Variants in ACSM2B observed in about 807,000 individuals in gnomAD.
The protein encoded by ACSM2B is acyl-coenzyme A synthetase ACSM2B, mitochondrial.
In ACSM2B, 58 loss-of-function variants were observed where a neutral mutation model predicts 78.6. The observed-to-expected ratio is 0.74, with a 90% CI of 0.60 to 0.92. The LOEUF (loss-of-function observed/expected upper bound fraction) is 0.92. Ranked by LOEUF, ACSM2B falls within the 40% of genes least tolerant of loss-of-function variation. The pLI, the probability that ACSM2B is intolerant of heterozygous loss-of-function variation, is 0.00. For synonymous variants in ACSM2B, 257 were observed against 256.8 expected (o/e 1.00, Z -0.01); for missense variants, 688 against 711.2 (o/e 0.97, Z 0.37).
At chr16:20,567,217 T>C (rs1318613244) in intron 1 of ACSM2B, among the ~76,000 whole-genome samples, 5 of 130,620 alleles carry the variant, frequency 3.8e-5, no homozygotes, top group African/African-American at 1.4e-4. Flanking sequence ...TATATTATAC[T>C]ATATACTATA....
Position 20,543,163 on chromosome 16 carries a change from G to C in ACSM2B, c.1381C>G (p.Arg461Gly). The C allele has an allele frequency of 6.2e-7, 1 of 1,613,810 alleles. No individual in the cohort carries two copies. Among genetic ancestry groups the C allele is most frequent in the Non-Finnish European group, 8.5e-7 (1 of 1,179,866 alleles). Residue 461 changes from arginine (R) to glycine (G), a missense_variant, in exon 11 of 14, where the codon CGG (arginine) becomes GGG (glycine). Transcript: ENST00000329697. Reference protein sequence around the residue: ...DEDGYFQFMGRADDIINSSGY... With the variant: ...DEDGYFQFMGGADDIINSSGY... ...CTGGAGTTAATGATATCATCTGCCCGTCCCATAAACTGGAAATACCCATCT... is the reference window on the plus strand; with the variant it reads ...CTGGAGTTAATGATATCATCTGCCCCTCCCATAAACTGGAAATACCCATCT...
At position 20,559,429 on chromosome 16, in the gene ACSM2B, T is replaced by C. The variant is rs2015576984; in HGVS notation, c.196A>G (p.Ser66Gly). 4 of 1,612,898 alleles carry C rather than the reference T, an allele frequency of 2.5e-6. No individual in the cohort carries two copies. In the East Asian group the frequency reaches 8.9e-5, roughly 36 times the overall value. The change falls in exon 3 of 14, where the codon AGC becomes GGC. Residue 66 changes from serine (S) to glycine (G), a missense_variant. Ser to Gly is a moderately conservative substitution (Grantham distance 56). Transcript: ENST00000329697. ...CCATTCACCCACCACAGGGCTGGGC[T>C]TGGGAGTCGCTTGCCAGCCTGAGGA... ...DMEKAGKRLPSPALWWVNGKG... is the reference protein window; with the variant it reads ...DMEKAGKRLPGPALWWVNGKG...
chr16:20,542,795 G>T, intron 12 of ACSM2B, 119 bp downstream of exon 12: 1 of 1,319,218 alleles, frequency 7.6e-7, no homozygotes, highest in Non-Finnish European at 1.0e-6. Flanking sequence ...GCTAGTAAGT[G>T]GCAGGGCCAA....
chr16:20,572,730 T>C (rs1323219739), intron 1 of ACSM2B, among the ~76,000 whole-genome samples: 1 of 151,882 alleles, frequency 6.6e-6, no homozygotes, highest in East Asian at 1.9e-4. Flanking sequence ...GGTTTGATCA[T>C]TTAACACAAT....
At chr16:20,567,814 G>T (rs1010268981) in intron 1 of ACSM2B, among the ~76,000 whole-genome samples, 1 of 138,604 alleles carries the variant, frequency 7.2e-6, no homozygotes, top group African/African-American at 2.6e-5. Context: ...AGTATGGTAT[G>T]TATAGATATA....
At chr16:20,558,284 G>C (rs538922954) in intron 3 of ACSM2B, among the ~76,000 whole-genome samples, 1 of 151,252 alleles carries the variant, frequency 6.6e-6, no homozygotes, top group East Asian at 2.0e-4. Context: ...CTCAACACAA[G>C]AAGACAGCTT....
intron 1 of ACSM2B, among the ~76,000 whole-genome samples, chr16:20,569,767 T>A (rs2152149371): frequency 6.6e-6 from 1 of 152,080 alleles, no homozygotes; most frequent in Non-Finnish European, 1.5e-5. Flanking sequence ...GTTTTGTAGT[T>A]TTCCTTGAAT....
At chr16:20,547,545 A>C (rs1349486751) in intron 8 of ACSM2B, 1 of 980,704 alleles carries the variant, frequency 1.0e-6, no homozygotes, top group Non-Finnish European at 1.2e-6. Context: ...ATAGAATAGC[A>C]TAAATCCACA....
chr16:20,542,882 T>G (rs2015035286), intron 12 of ACSM2B, 32 bp downstream of exon 12: 7 of 1,611,972 alleles, frequency 4.3e-6, no homozygotes, highest in Non-Finnish European at 5.9e-6. Flanking sequence ...TGTTCATATC[T>G]GTTCACCCCC....
chr16:20,553,788 C>G lies in ACSM2B; in HGVS notation c.729G>C (p.Lys243Asn). 7.5e-6 allele frequency: 12 copies of G among 1,610,700 alleles called. No individual in the cohort carries two copies. Among genetic ancestry groups the G allele is most frequent in the Non-Finnish European group, 9.3e-6 (11 of 1,177,650 alleles). Residue 243 changes from lysine (K) to asparagine (N), a missense_variant, in exon 5 of 14, where the codon AAG becomes AAC. Coordinates refer to ENST00000329697, the MANE Select transcript of ACSM2B (RefSeq NM_001105069.2). ...AGAGCTCAGCTTACCCAGCATCCAT[C>G]TTGGCCTTGAGGCCCAGGCTCGAGT... is the stretch of plus-strand genomic sequence containing the variant. ...HSYSSLGLKAKMDAGWTGLQA... is the reference protein window; with the variant it reads ...HSYSSLGLKANMDAGWTGLQA...
intron 3 of ACSM2B, among the ~76,000 whole-genome samples, chr16:20,557,019 C>T (rs1254825043): frequency 2.0e-5 from 3 of 151,950 alleles, no homozygotes; most frequent in African/African-American, 2.4e-5. Context: ...GAATATGCGG[C>T]GGGTGGGAGC....
intron 3 of ACSM2B, among the ~76,000 whole-genome samples, chr16:20,558,539 A>C (rs985046202): frequency 1.3e-4 from 19 of 151,934 alleles, no homozygotes; most frequent in African/African-American, 4.6e-4. Flanking sequence ...AGATAATTAC[A>C]TCTTCACATA....
intron 1 of ACSM2B, among the ~76,000 whole-genome samples, chr16:20,567,273 TATA>T (rs1361964904): frequency 1.5e-4 from 19 of 126,722 alleles, no homozygotes; most frequent in African/African-American, 5.7e-4. Context: ...TAGTATAATA[TATA>T]ATATGTAGCA....
At chr16:20,567,302 A>G (rs1327353609) in intron 1 of ACSM2B, among the ~76,000 whole-genome samples, 2 of 123,930 alleles carry the variant, frequency 1.6e-5, no homozygotes, top group African/African-American at 3.1e-5. Flanking sequence ...TATAATGTAT[A>G]GTACAATATA....
At position 20,560,424 on chromosome 16, in the gene ACSM2B, C is replaced by G. The variant is rs539977579; in HGVS notation, c.178-977G>C. Among the ~76,000 whole-genome samples the G allele has an allele frequency of 1.3e-5, 2 of 152,042 alleles. 1 individual carries two copies. The highest frequency in any genetic ancestry group is 4.2e-4 in the South Asian group (2 of 4,762). On this transcript the variant is annotated intron_variant, in intron 2 of 13. Coordinates refer to ENST00000329697, the MANE Select transcript of ACSM2B (RefSeq NM_001105069.2). Reference sequence around the variant, plus strand: ...TCTGGTTGTTTAAAAGTGAGTGGCACCTTCTCACTCTCTGTTTTGCTCCTC... The same window carrying G: ...TCTGGTTGTTTAAAAGTGAGTGGCAGCTTCTCACTCTCTGTTTTGCTCCTC...
At chr16:20,544,208 G>A (rs573155204) in intron 10 of ACSM2B, among the ~76,000 whole-genome samples, 42 of 152,318 alleles carry the variant, frequency 2.8e-4, no homozygotes, top group African/African-American at 8.4e-4. Flanking sequence ...TGCCCTGATC[G>A]CTGAAGCTCA....
chr16:20,542,894 G>C lies in ACSM2B; in HGVS notation c.1509+20C>G. 6.2e-7 allele frequency: 1 copy of C among 1,613,178 alleles called. No homozygotes were observed. The highest frequency in any genetic ancestry group is 8.5e-7 in the Non-Finnish European group (1 of 1,179,642). ...TTGTGTTCATATCTGTTCACCCCCA[G>C]GCTACTGCTTCCCCATCACCTCTCC... On this transcript the variant is annotated intron_variant, in intron 12 of 13. Coordinates refer to ENST00000329697, the MANE Select transcript of ACSM2B (RefSeq NM_001105069.2).
intron 6 of ACSM2B, among the ~76,000 whole-genome samples, chr16:20,549,251 T>C (rs576087021): frequency 6.6e-6 from 1 of 152,308 alleles, no homozygotes; most frequent in South Asian, 2.1e-4. Context: ...ATCTGTTTTC[T>C]GTTGTTATAA....
rs536418007 is a variant in ACSM2B at position 20,555,590 on chromosome 16, A to T, written c.389-114T>A. The T allele has an allele frequency of 5.3e-5, 81 of 1,529,508 alleles. 2 individuals carry two copies. In the South Asian group the frequency reaches 1.0e-3, roughly 19 times the overall value. The allele number at this position is 1,529,508 out of a possible 1,614,324, so 94.7% of individuals were successfully genotyped here. On this transcript the variant is annotated intron_variant, in intron 3 of 13. Coordinates refer to ENST00000329697, the MANE Select transcript of ACSM2B (RefSeq NM_001105069.2). ...TGGGGAAGGAGAGGATGGGGAAGTA[A>T]TGACCAATGGAGAACGTCAATAAAA... is the stretch of plus-strand genomic sequence containing the variant.
Sources: allele counts gnomAD v4.1 joint callset (sites outside exome capture counted in the v4.1 genomes callset), GRCh38; gene constraint gnomAD v4.1.1; transcripts MANE v1.5; gene names NCBI Gene and HGNC (gene_info 2026-07-23, HGNC 2026-07-21).